STK38L: variants seen among roughly 807,000 people sequenced by gnomAD.
The protein encoded by STK38L is serine/threonine-protein kinase 38-like.
STK38L carries 28 observed loss-of-function variants against 59.7 expected under a neutral mutation model. The observed-to-expected ratio is 0.47, with a 90% CI of 0.35 to 0.64. STK38L has a LOEUF of 0.64. Among genes scored for constraint, STK38L ranks in the 30% least tolerant of loss-of-function variants. STK38L has a pLI of 0.01. For missense variants in STK38L, 314 were observed against 555.8 expected, an observed-to-expected ratio of 0.56 and a Z score of 4.37; for synonymous variants, 162 against 176.8, an observed-to-expected ratio of 0.92 and a Z score of 0.66.
intron 1 of STK38L, among the ~76,000 whole-genome samples, chr12:27,276,079 AT>A (rs1257756482): frequency 2.0e-5 from 3 of 152,000 alleles, no homozygotes; most frequent in Non-Finnish European, 4.4e-5. Context: ...TAGCTTTGAG[AT>A]TTTTTTTAAA....
chr12:27,260,389 G>C (rs1480994321), intron 1 of STK38L, among the ~76,000 whole-genome samples: 1 of 152,124 alleles, frequency 6.6e-6, no homozygotes, highest in Admixed American at 6.5e-5. Flanking sequence ...AGTGAAAGTA[G>C]GTATTTAATA....
chr12:27,283,322 CT>C (rs1440567911), intron 1 of STK38L, among the ~76,000 whole-genome samples: 14 of 152,156 alleles, frequency 9.2e-5, no homozygotes, highest in Admixed American at 9.2e-4. Context: ...TTAATGAGTA[CT>C]TGACTGAGTC....
intron 12 of STK38L, among the ~76,000 whole-genome samples, chr12:27,321,204 A>G (rs1944720575): frequency 6.6e-6 from 1 of 152,236 alleles, no homozygotes; most frequent in Admixed American, 6.5e-5. Context: ...ATGGTTTTAA[A>G]TAATTTGGTA....
intron 2 of STK38L, 148 bp downstream of exon 2, chr12:27,298,002 C>T (rs1180685560): frequency 1.0e-6 from 1 of 955,684 alleles, no homozygotes; most frequent in Non-Finnish European, 1.5e-6. Flanking sequence ...TGCACATAGA[C>T]ATGTGTTTTA....
chr12:27,260,995 T>C (rs1045522489), intron 1 of STK38L, among the ~76,000 whole-genome samples: 6 of 152,242 alleles, frequency 3.9e-5, no homozygotes, highest in African/African-American at 1.4e-4. Flanking sequence ...TTCTTTTCTC[T>C]GAACATTTTG....
chr12:27,300,648 C>T, intron 2 of STK38L: 3 of 455,764 alleles, frequency 6.6e-6, no homozygotes, highest in South Asian at 4.7e-5. Context: ...TTATTCTTGT[C>T]TAAGGGTTGG....
chr12:27,302,237 T>C, intron 3 of STK38L, 49 bp downstream of exon 3: 1 of 1,378,196 alleles, frequency 7.3e-7, no homozygotes, highest in South Asian at 1.5e-5. Context: ...CCAGTGACTT[T>C]TCATTCATTT....
chr12:27,306,061 T>C (rs1459479784), intron 3 of STK38L, among the ~76,000 whole-genome samples: 1 of 152,198 alleles, frequency 6.6e-6, no homozygotes, highest in African/African-American at 2.4e-5. Flanking sequence ...AATCAATTTT[T>C]TTTAACTAAT....
intron 1 of STK38L, among the ~76,000 whole-genome samples, chr12:27,290,777 T>G (rs1436807181): frequency 6.6e-6 from 1 of 152,212 alleles, no homozygotes; most frequent in Admixed American, 6.5e-5. Flanking sequence ...GCAGCTCTGC[T>G]CCAGCTGTCA....
At chr12:27,288,899 A>G (rs7959720) in intron 1 of STK38L, among the ~76,000 whole-genome samples, 126,067 of 149,166 alleles carry the variant, frequency 0.85, 53,327 homozygotes, top group Non-Finnish European at 0.89. Flanking sequence ...TCTCTTTTAT[A>G]TCAATCAAGA....
chr12:27,294,486 AAC>A (rs1284380594), intron 1 of STK38L, among the ~76,000 whole-genome samples: 8 of 147,972 alleles, frequency 5.4e-5, no homozygotes, highest in African/African-American at 2.0e-4. Context: ...CAGCCTGGGC[AAC>A]AGAGTGAAAT....
chr12:27,261,328 G>C (rs1943200196), intron 1 of STK38L, among the ~76,000 whole-genome samples: 1 of 152,160 alleles, frequency 6.6e-6, no homozygotes, highest in Non-Finnish European at 1.5e-5. Context: ...TACTTTCCTT[G>C]CTTTTGCCCT....
intron 1 of STK38L, among the ~76,000 whole-genome samples, chr12:27,280,137 A>G (rs1565534546): frequency 6.6e-6 from 1 of 152,218 alleles, no homozygotes; most frequent in Non-Finnish European, 1.5e-5. Flanking sequence ...AAGTACTATG[A>G]AGGGTTTCTG....
At chr12:27,314,918 G>C (rs943053747) in intron 7 of STK38L, 97 bp from the exon 8 acceptor site, 11 of 1,009,636 alleles carry the variant, frequency 1.1e-5, no homozygotes, top group Middle Eastern at 2.8e-4. Flanking sequence ...CCCAAGCTAA[G>C]AATTTTTATT....
intron 9 of STK38L, among the ~76,000 whole-genome samples, chr12:27,316,041 C>T (rs1375532074): frequency 6.6e-6 from 1 of 152,136 alleles, no homozygotes; most frequent in Non-Finnish European, 1.5e-5. Context: ...ATGCCTGGCA[C>T]ATACGGACAC....
Position 27,307,134 on chromosome 12 carries a change from A to AT in STK38L, c.187-1202dup, listed in dbSNP as rs542092773. Among the ~76,000 whole-genome samples, 188 of 152,336 alleles carry AT rather than the reference A, an allele frequency of 1.2e-3. 1 individual carries two copies. Among genetic ancestry groups the AT allele is most frequent in the African/African-American group, 3.8e-3 (159 of 41,576 alleles). Reference sequence around the variant, plus strand: ...ATCAATATCAGATGTGGAAAAAGACATTTAAAAAAAGACATTAAAGACATT... The same window carrying AT: ...ATCAATATCAGATGTGGAAAAAGACATTTTAAAAAAAGACATTAAAGACATT... On this transcript the variant is annotated intron_variant, in intron 3 of 13. Transcript: ENST00000389032.
chr12:27,257,539 C>G (rs1050502304), intron 1 of STK38L, among the ~76,000 whole-genome samples: 31 of 152,188 alleles, frequency 2.0e-4, no homozygotes, highest in African/African-American at 7.5e-4. Context: ...TTGGGTATCC[C>G]CGGCCCTTTT....
chr12:27,248,973 G>A (rs1448962659), intron 1 of STK38L, among the ~76,000 whole-genome samples: 5 of 152,166 alleles, frequency 3.3e-5, no homozygotes, highest in South Asian at 2.1e-4. Context: ...TGTGGACTTC[G>A]CTTTGTTATA....
chr12:27,262,841 C>T (rs1216856256), intron 1 of STK38L, among the ~76,000 whole-genome samples: 1 of 150,320 alleles, frequency 6.7e-6, no homozygotes, highest in Non-Finnish European at 1.5e-5. Flanking sequence ...CTCTGTTGCC[C>T]AGGCTGGAAC....
Sources: gnomAD v4.1 joint callset for allele counts (sites outside exome capture counted in the v4.1 genomes callset) on GRCh38, gnomAD v4.1.1 for gene constraint, MANE v1.5 for transcripts, NCBI Gene and HGNC (gene_info 2026-07-23, HGNC 2026-07-21) for gene names.